Variants in GABRB2 observed in about 807,000 individuals in gnomAD.
GABRB2 encodes gamma-aminobutyric acid receptor subunit beta-2.
In GABRB2, 16 loss-of-function variants were observed where a neutral mutation model predicts 54.7. The observed-to-expected ratio is 0.29, with a 90% CI of 0.20 to 0.44. The LOEUF (loss-of-function observed/expected upper bound fraction) is 0.44, where lower values mean the gene tolerates loss of function less well. Among genes scored for constraint, GABRB2 ranks in the 20% least tolerant of loss-of-function variants. The probability of loss-of-function intolerance (pLI) is 1.00; values close to 1 mark genes in which losing one functional copy is unlikely to be tolerated. For missense variants in GABRB2, 355 were observed against 644.0 expected, an observed-to-expected ratio of 0.55 and a Z score of 4.86; for synonymous variants, 244 against 233.8, an observed-to-expected ratio of 1.04 and a Z score of -0.40.
At chr5:161,350,803 T>C (rs1027909231) in intron 5 of GABRB2, among the ~76,000 whole-genome samples, 14 of 152,090 alleles carry the variant, frequency 9.2e-5, no homozygotes, top group African/African-American at 3.4e-4. Context: ...TCTCCCATGC[T>C]CAATGCTTCC....
intron 4 of GABRB2, among the ~76,000 whole-genome samples, chr5:161,451,174 T>A (rs1381790444): frequency 1.3e-5 from 2 of 152,166 alleles, no homozygotes; most frequent in East Asian, 3.8e-4. Flanking sequence ...CAGACTAACA[T>A]TGTCTTTTGC....
chr5:161,332,626 C>T (rs185606472), intron 7 of GABRB2, among the ~76,000 whole-genome samples: 353 of 152,216 alleles, frequency 2.3e-3, no homozygotes, highest in Non-Finnish European at 4.1e-3. Context: ...GCTCAGAGGT[C>T]AAGATCACAC....
chr5:161,407,048 C>G (rs1277959993), intron 5 of GABRB2, among the ~76,000 whole-genome samples: 1 of 152,140 alleles, frequency 6.6e-6, no homozygotes, highest in East Asian at 1.9e-4. Flanking sequence ...AATGAATGAA[C>G]AAGAAATGAT....
chr5:161,484,591 A>G (rs989067167), intron 3 of GABRB2, among the ~76,000 whole-genome samples: 1 of 152,002 alleles, frequency 6.6e-6, no homozygotes, highest in Admixed American at 6.6e-5. Context: ...TTCATTGTTA[A>G]TTTTACAGAA....
intron 3 of GABRB2, among the ~76,000 whole-genome samples, chr5:161,498,057 T>G (rs2113370140): frequency 6.6e-6 from 1 of 152,268 alleles, no homozygotes; most frequent in Admixed American, 6.5e-5. Flanking sequence ...ACCCATAATT[T>G]TTGTTGAAAA....
chr5:161,514,795 C>A (rs1759885289), intron 3 of GABRB2, among the ~76,000 whole-genome samples: 4 of 152,170 alleles, frequency 2.6e-5, no homozygotes, highest in African/African-American at 4.8e-5. Flanking sequence ...CATCTCAAGC[C>A]TTCGCTTGAA....
intron 3 of GABRB2, among the ~76,000 whole-genome samples, chr5:161,522,718 A>G (rs562495055): frequency 3.3e-5 from 5 of 151,700 alleles, no homozygotes; most frequent in African/African-American, 1.2e-4. Flanking sequence ...AGACATACTC[A>G]AGGTCACTCA....
intron 3 of GABRB2, among the ~76,000 whole-genome samples, chr5:161,527,781 C>T (rs1402449156): frequency 1.3e-5 from 2 of 151,416 alleles, no homozygotes; most frequent in South Asian, 4.2e-4. Flanking sequence ...AACTATTTTA[C>T]AGATTAGCAA....
At chr5:161,405,238 A>C (rs1756314540) in intron 5 of GABRB2, among the ~76,000 whole-genome samples, 1 of 152,042 alleles carries the variant, frequency 6.6e-6, no homozygotes, top group African/African-American at 2.4e-5. Flanking sequence ...CTGGCTTTCC[A>C]GACTCCATGG....
intron 9 of GABRB2, among the ~76,000 whole-genome samples, chr5:161,317,415 G>T (rs1320866569): frequency 2.0e-5 from 3 of 152,104 alleles, no homozygotes; most frequent in Non-Finnish European, 2.9e-5. Context: ...CTGGGGAAAA[G>T]GTTCTAAAAT....
intron 5 of GABRB2, among the ~76,000 whole-genome samples, chr5:161,350,599 T>C (rs1305989037): frequency 1.3e-5 from 2 of 152,056 alleles, no homozygotes; most frequent in African/African-American, 4.8e-5. Context: ...CCTGACTGGA[T>C]TGAAGGATGT....
intron 3 of GABRB2, among the ~76,000 whole-genome samples, chr5:161,483,742 GT>G (rs1758835558): frequency 1.3e-5 from 2 of 151,934 alleles, no homozygotes; most frequent in African/African-American, 4.8e-5. Flanking sequence ...TATATTTATG[GT>G]TTTGACTAGA....
intron 5 of GABRB2, among the ~76,000 whole-genome samples, chr5:161,337,570 A>G (rs1754028713): frequency 6.6e-6 from 1 of 152,142 alleles, no homozygotes; most frequent in Admixed American, 6.6e-5. Context: ...TGGGGATGAG[A>G]GTCTATATAA....
At chr5:161,338,246 C>T (rs1754048945) in intron 5 of GABRB2, among the ~76,000 whole-genome samples, 1 of 152,084 alleles carries the variant, frequency 6.6e-6, no homozygotes, top group Non-Finnish European at 1.5e-5. Flanking sequence ...CCATCTTTAT[C>T]TGATGCAGAA....
chr5:161,362,071 A>T (rs1307116087), intron 5 of GABRB2, among the ~76,000 whole-genome samples: 1 of 152,152 alleles, frequency 6.6e-6, no homozygotes, highest in Non-Finnish European at 1.5e-5. Flanking sequence ...GGTTTGTCAA[A>T]GATCAGATGA....
intron 3 of GABRB2, among the ~76,000 whole-genome samples, chr5:161,499,205 G>A (rs923464245): frequency 6.6e-6 from 1 of 152,052 alleles, no homozygotes; most frequent in African/African-American, 2.4e-5. Flanking sequence ...TGTTGGGGCT[G>A]ATCACCCCAA....
At chr5:161,492,845 C>T (rs905534584) in intron 3 of GABRB2, among the ~76,000 whole-genome samples, 6 of 151,658 alleles carry the variant, frequency 4.0e-5, no homozygotes, top group East Asian at 3.9e-4. Flanking sequence ...CAAATGAGTA[C>T]ATGTGAGTTT....
At chr5:161,481,982 A>C (rs899555126) in intron 3 of GABRB2, among the ~76,000 whole-genome samples, 2 of 152,010 alleles carry the variant, frequency 1.3e-5, no homozygotes, top group African/African-American at 4.8e-5. Context: ...CTCTAAATTC[A>C]AAGAAGATAA....
At chr5:161,480,640 T>A (rs1758734969) in intron 3 of GABRB2, among the ~76,000 whole-genome samples, 1 of 152,064 alleles carries the variant, frequency 6.6e-6, no homozygotes, top group Non-Finnish European at 1.5e-5. Flanking sequence ...TGGAAACATA[T>A]TAGCATTCCT....
Sources: gnomAD v4.1 joint callset for allele counts (sites outside exome capture counted in the v4.1 genomes callset) on GRCh38, gnomAD v4.1.1 for gene constraint, MANE v1.5 for transcripts, NCBI Gene and HGNC (gene_info 2026-07-23, HGNC 2026-07-21) for gene names.